PARD3: variants seen among roughly 807,000 people sequenced by gnomAD.
The protein encoded by PARD3 is partitioning defective 3 homolog.
Under a neutral mutation model 155.4 loss-of-function variants are expected in PARD3, and 75 were observed. The ratio of observed to expected loss-of-function variants is 0.48; its 90% CI spans 0.40 to 0.58. The LOEUF (loss-of-function observed/expected upper bound fraction) is 0.58. Among genes scored for constraint, PARD3 ranks in the 20% least tolerant of loss-of-function variants. The pLI, the probability that PARD3 is intolerant of heterozygous loss-of-function variation, is 0.00. For missense variants in PARD3, 1,642 were observed against 1,721.7 expected (o/e 0.95, Z 0.82); for synonymous variants, 576 against 610.5 (o/e 0.94, Z 0.83).
chr10:34,458,639 G>A (rs1441362960), intron 4 of PARD3, among the ~76,000 whole-genome samples: 5 of 152,152 alleles, frequency 3.3e-5, no homozygotes, highest in Non-Finnish European at 5.9e-5. Flanking sequence ...TCTCTTTCCA[G>A]GTATAACTTA....
chr10:34,539,367 GTAAT>G (rs2083443455), intron 2 of PARD3, among the ~76,000 whole-genome samples: 1 of 152,138 alleles, frequency 6.6e-6, no homozygotes, highest in Non-Finnish European at 1.5e-5. Flanking sequence ...AAAAAGCAGA[GTAAT>G]AAATAAGTAA....
chr10:34,372,210 T>C (rs1589345582), intron 12 of PARD3, among the ~76,000 whole-genome samples: 1 of 152,150 alleles, frequency 6.6e-6, no homozygotes, highest in East Asian at 1.9e-4. Context: ...TGAAATACTT[T>C]GCATATATGC....
rs187963577 is a variant in PARD3, at chr10:34,375,898, A to G, written c.1540-896T>C. 2.5e-3 allele frequency among the ~76,000 whole-genome samples: 374 copies of G among 152,332 alleles called. 5 individuals are homozygous for G. Among genetic ancestry groups the G allele is most frequent in the Non-Finnish European group, 8.8e-4 (60 of 68,028 alleles). On this transcript the variant is annotated intron_variant, in intron 10 of 24. Coordinates refer to ENST00000374788, the MANE Select transcript of PARD3 (RefSeq NM_001184785.2). ...GTACTACTATTAAGGAATTGCAGAC[A>G]GAAGGACTGAATTCAAGTTCCAGTG...
chr10:34,659,103 T>C (rs1400901949), intron 2 of PARD3, among the ~76,000 whole-genome samples: 4 of 152,120 alleles, frequency 2.6e-5, no homozygotes, highest in Non-Finnish European at 5.9e-5. Context: ...CCCTCAGGAA[T>C]CAGATCCTGA....
chr10:34,648,793 G>C (rs2092922135), intron 2 of PARD3, among the ~76,000 whole-genome samples: 1 of 152,176 alleles, frequency 6.6e-6, no homozygotes, highest in African/African-American at 2.4e-5. Context: ...GAAAATCTAT[G>C]TCCTTGTATG....
rs573582578 is a variant in PARD3 at position 34,687,292 on chromosome 10, G to A, written c.222+9026C>T. 3.3e-5 allele frequency among the ~76,000 whole-genome samples: 5 copies of A among 152,182 alleles called. No individual in the cohort carries two copies. In the South Asian group the frequency reaches 1.0e-3, roughly 32 times the overall value. The stretch of plus-strand genomic sequence containing the variant: ...ACTATACCCAGGGCAAGGGGGCTGG[G>A]GAAGGATGGAAATGTGCCCCTGTTA... On this transcript the variant is annotated intron_variant, in intron 2 of 24. Transcript: ENST00000374788.
intron 2 of PARD3, among the ~76,000 whole-genome samples, chr10:34,669,903 A>G (rs1019909324): frequency 3.9e-5 from 6 of 152,230 alleles, no homozygotes; most frequent in African/African-American, 1.4e-4. Flanking sequence ...TTCTACTAGG[A>G]AGAATAAAAA....
intron 22 of PARD3, among the ~76,000 whole-genome samples, chr10:34,215,887 T>C (rs1951979734): frequency 6.6e-6 from 1 of 152,234 alleles, no homozygotes; most frequent in Admixed American, 6.5e-5. Flanking sequence ...TTCAAAATAA[T>C]TGTCATCGGG....
chr10:34,621,845 T>C (rs966489832), intron 2 of PARD3, among the ~76,000 whole-genome samples: 8 of 152,240 alleles, frequency 5.3e-5, no homozygotes, highest in Non-Finnish European at 1.0e-4. Flanking sequence ...GAAAAAAGAT[T>C]GTGTATCCAA....
chr10:34,221,359 C>T (rs1564493960), intron 22 of PARD3, among the ~76,000 whole-genome samples: 1 of 150,570 alleles, frequency 6.6e-6, no homozygotes, highest in Non-Finnish European at 1.5e-5. Flanking sequence ...CTCAGGAGGC[C>T]ACTCTTTTCC....
At chr10:34,562,913 A>G (rs2085618288) in intron 2 of PARD3, among the ~76,000 whole-genome samples, 1 of 152,082 alleles carries the variant, frequency 6.6e-6, no homozygotes, top group South Asian at 2.1e-4. Flanking sequence ...CTGGGACTAC[A>G]GGCATGTGTC....
intron 2 of PARD3, among the ~76,000 whole-genome samples, chr10:34,645,646 G>C (rs1463170808): frequency 6.6e-6 from 1 of 152,170 alleles, no homozygotes; most frequent in Non-Finnish European, 1.5e-5. Context: ...AAAGAAAACA[G>C]CATGAAATAA....
intron 14 of PARD3, among the ~76,000 whole-genome samples, chr10:34,356,900 C>A (rs576824034): frequency 4.6e-5 from 7 of 152,260 alleles, no homozygotes; most frequent in Non-Finnish European, 1.0e-4. Context: ...GCTTTATAAG[C>A]TTATGCTGTC....
rs7898551 is a variant in PARD3 at position 34,590,465 on chromosome 10, A to G, written c.223-73306T>C. On this transcript the variant is annotated intron_variant, in intron 2 of 24. Transcript: ENST00000374788. The stretch of plus-strand genomic sequence containing the variant: ...TTCACTGAAAACTGTAATACTGTAT[A>G]ATCCATAGTTGATTGCATTTTCATT... Among the ~76,000 whole-genome samples the G allele has an allele frequency of 7.3e-3, 1,106 of 152,336 alleles. 13 individuals are homozygous for G. Among genetic ancestry groups the G allele is most frequent in the African/African-American group, 0.026 (1,065 of 41,582 alleles).
chr10:34,756,512 T>C (rs946986930), intron 1 of PARD3, among the ~76,000 whole-genome samples: 1 of 146,150 alleles, frequency 6.8e-6, no homozygotes, highest in Non-Finnish European at 1.5e-5. Flanking sequence ...TCAGCTCTGT[T>C]GCCTAGGCTG....
intron 5 of PARD3, among the ~76,000 whole-genome samples, chr10:34,439,998 C>T (rs1410740226): frequency 6.6e-6 from 1 of 152,074 alleles, no homozygotes; most frequent in East Asian, 1.9e-4. Context: ...CACATATACC[C>T]AGGCCTCAGC....
intron 22 of PARD3, among the ~76,000 whole-genome samples, chr10:34,184,490 G>A (rs1013945362): frequency 6.6e-6 from 1 of 152,150 alleles, no homozygotes; most frequent in Non-Finnish European, 1.5e-5. Flanking sequence ...CAAAGTGCTT[G>A]TAGATCCACA....
At chr10:34,673,018 T>C (rs2133260402) in intron 2 of PARD3, among the ~76,000 whole-genome samples, 1 of 152,342 alleles carries the variant, frequency 6.6e-6, no homozygotes, top group Non-Finnish European at 1.5e-5. Context: ...ATGTACTTCA[T>C]TTCTCTTGAA....
At chr10:34,189,555 C>T (rs1950617618) in intron 22 of PARD3, among the ~76,000 whole-genome samples, 1 of 152,162 alleles carries the variant, frequency 6.6e-6, no homozygotes, top group Admixed American at 6.5e-5. Flanking sequence ...TAGGCATGCC[C>T]TGGATGAGGC....
Sources: allele counts gnomAD v4.1 joint callset (sites outside exome capture counted in the v4.1 genomes callset), GRCh38; gene constraint gnomAD v4.1.1; transcripts MANE v1.5; gene names NCBI Gene and HGNC (gene_info 2026-07-23, HGNC 2026-07-21).